Variants in APBA2 observed in about 807,000 individuals in gnomAD.
APBA2 encodes the protein amyloid beta precursor protein binding family A member 2.
APBA2 carries 30 observed loss-of-function variants against 75.0 expected under a neutral mutation model. That is an observed-to-expected ratio of 0.40 (90% CI 0.30 to 0.54). The LOEUF (loss-of-function observed/expected upper bound fraction) is 0.54, where lower values mean the gene tolerates loss of function less well. Ranked by LOEUF, APBA2 falls within the 20% of genes least tolerant of loss-of-function variation. The pLI is 0.49. For synonymous variants in APBA2, 444 were observed against 409.6 expected (o/e 1.08, Z -1.01); for missense variants, 801 against 1,016.1 (o/e 0.79, Z 2.88).
At position 29,108,584 on chromosome 15, in the gene APBA2, G is replaced by A. The variant is rs747480297; in HGVS notation, c.2037+195G>A. On this transcript the variant is annotated intron_variant, in intron 13 of 14. Coordinates refer to ENST00000683413, the MANE Select transcript of APBA2 (RefSeq NM_001353788.2). ...TGGGAGGTCCTGGCTAGAAGGGGAG[G>A]GCCAGGGCATGGCCGTGGATTGGGC... 4.8e-5 allele frequency: 40 copies of A among 829,342 alleles called. No homozygotes were observed. The Admixed American group carries it at 8.4e-4, about 17-fold the overall frequency. 51.4% of individuals were successfully genotyped at this position (829,342 alleles called of 1,614,324 possible).
intron 2 of APBA2, among the ~76,000 whole-genome samples, chr15:28,978,664 AT>A (rs1336595233): frequency 6.6e-6 from 1 of 152,108 alleles, no homozygotes; most frequent in Non-Finnish European, 1.5e-5. Flanking sequence ...ACCCATGAGG[AT>A]TTTTGTTTGT....
At chr15:29,088,185 T>C (rs56834413) in intron 6 of APBA2, among the ~76,000 whole-genome samples, 10,041 of 152,160 alleles carry the variant, frequency 0.066, 851 homozygotes, top group African/African-American at 0.19. Flanking sequence ...AGCATGGGTG[T>C]AGATGGGCAG....
At chr15:29,079,136 C>T (rs770746518) in intron 6 of APBA2, among the ~76,000 whole-genome samples, 6 of 152,060 alleles carry the variant, frequency 3.9e-5, no homozygotes, top group Non-Finnish European at 8.8e-5. Context: ...AAGCTATGCC[C>T]CACCCATGGG....
chr15:28,963,251 G>C (rs1345039119), intron 2 of APBA2, among the ~76,000 whole-genome samples: 1 of 152,232 alleles, frequency 6.6e-6, no homozygotes, highest in Non-Finnish European at 1.5e-5. Context: ...AGTTGGGAAG[G>C]AGGGATGCCC....
chr15:28,964,485 C>T (rs1303456468), intron 2 of APBA2, among the ~76,000 whole-genome samples: 2 of 134,254 alleles, frequency 1.5e-5, no homozygotes, highest in Non-Finnish European at 3.0e-5. Context: ...ATCACTTTTG[C>T]TCATTTTTTT....
Position 29,108,251 on chromosome 15 carries a change from C to A in APBA2, c.1918-19C>A. 1 of 1,613,566 alleles carries A rather than the reference C, an allele frequency of 6.2e-7. No homozygotes were observed. The highest frequency in any genetic ancestry group is 8.5e-7 in the Non-Finnish European group (1 of 1,180,032). ...ATGTCTAAGGCCCAGCCTGTGACTC[C>A]TGTCCCCGTGCTCTGCAGGGCCTGA... On this transcript the variant is annotated intron_variant, in intron 12 of 14. Transcript: ENST00000683413.
chr15:29,094,177 A>C, intron 7 of APBA2, 101 bp from the exon 8 acceptor site: 2 of 1,296,802 alleles, frequency 1.5e-6, no homozygotes, highest in South Asian at 2.4e-5. Context: ...GCTAGGCACC[A>C]GACCTGAGAG....
At chr15:29,049,872 A>C (rs1266296035) in intron 3 of APBA2, among the ~76,000 whole-genome samples, 1 of 152,206 alleles carries the variant, frequency 6.6e-6, no homozygotes, top group Non-Finnish European at 1.5e-5. Flanking sequence ...TATGAGTGTA[A>C]AGTTCAGTGA....
chr15:29,066,840 C>T (rs567293970), intron 4 of APBA2, among the ~76,000 whole-genome samples: 1 of 152,320 alleles, frequency 6.6e-6, no homozygotes, highest in African/African-American at 2.4e-5. Context: ...GCCATTATCA[C>T]ACCGTGTTAG....
chr15:29,100,621 G>A (rs2044072804), intron 9 of APBA2, among the ~76,000 whole-genome samples: 1 of 152,242 alleles, frequency 6.6e-6, no homozygotes, highest in South Asian at 2.1e-4. Flanking sequence ...GGCTACCTTG[G>A]TGTCTTTTGA....
At chr15:28,995,546 A>C (rs1034061011) in intron 2 of APBA2, among the ~76,000 whole-genome samples, 24 of 152,214 alleles carry the variant, frequency 1.6e-4, no homozygotes, top group African/African-American at 5.1e-4. Flanking sequence ...TTAAGGCAAT[A>C]ATTATGCGAT....
At chr15:28,997,915 T>C (rs1167095529) in intron 3 of APBA2, among the ~76,000 whole-genome samples, 1 of 152,188 alleles carries the variant, frequency 6.6e-6, no homozygotes, top group African/African-American at 2.4e-5. Context: ...CTCATCACAA[T>C]TCTCTGCAGC....
intron 3 of APBA2, among the ~76,000 whole-genome samples, chr15:29,006,345 C>T (rs955838383): frequency 2.6e-5 from 4 of 152,040 alleles, no homozygotes; most frequent in African/African-American, 9.7e-5. Context: ...ATTCCATTAA[C>T]CAAGGAAGCA....
chr15:29,099,451 A>G (rs956330655), intron 9 of APBA2, among the ~76,000 whole-genome samples: 4 of 152,208 alleles, frequency 2.6e-5, no homozygotes, highest in Admixed American at 1.3e-4. Context: ...AGTTGTGTCT[A>G]CCAGGGAAGC....
chr15:29,048,634 G>A (rs1277817114), intron 3 of APBA2, among the ~76,000 whole-genome samples: 1 of 151,978 alleles, frequency 6.6e-6, no homozygotes, highest in African/African-American at 2.4e-5. Flanking sequence ...CTAAGTTTAT[G>A]TAAGAATTTA....
chr15:29,032,628 G>A, intron 3 of APBA2, among the ~76,000 whole-genome samples: 1 of 152,134 alleles, frequency 6.6e-6, no homozygotes, highest in East Asian at 1.9e-4. Flanking sequence ...TCTGAGTTGG[G>A]ACAGCCTCAG....
intron 1 of APBA2, among the ~76,000 whole-genome samples, chr15:28,903,508 A>G (rs1174799988): frequency 6.6e-6 from 1 of 152,212 alleles, no homozygotes; most frequent in Non-Finnish European, 1.5e-5. Flanking sequence ...GCTTCAAGTT[A>G]CATAAGCGTC....
At chr15:28,901,946 T>TGTGTGTGTGTGTGTGTGTGTGTGTG (rs1440362339) in intron 1 of APBA2, among the ~76,000 whole-genome samples, 1 of 16,574 alleles carries the variant, frequency 6.0e-5, no homozygotes, top group Non-Finnish European at 1.2e-4. Context: ...GTGTGTATGT[T>TGTGTGTGTGTGTGTGTGTGTGTGTG]GGGGGTCTGG....
chr15:28,926,883 G>T (rs999179950), intron 2 of APBA2, among the ~76,000 whole-genome samples: 2 of 138,248 alleles, frequency 1.4e-5, no homozygotes, highest in Non-Finnish European at 1.5e-5. Flanking sequence ...TTGAGACAGA[G>T]TCTCGCTCTG....
Sources: allele counts gnomAD v4.1 joint callset (sites outside exome capture counted in the v4.1 genomes callset), GRCh38; gene constraint gnomAD v4.1.1; transcripts MANE v1.5; gene names NCBI Gene and HGNC (gene_info 2026-07-23, HGNC 2026-07-21).